PACRGL: variants seen among roughly 807,000 people sequenced by gnomAD.
PACRGL encodes PACRG-like protein.
In PACRGL, 38 loss-of-function variants were observed where a neutral mutation model predicts 34.5. That is an observed-to-expected ratio of 1.10 (90% CI 0.85 to 1.44). PACRGL has a LOEUF of 1.44. Among genes scored for constraint, PACRGL ranks in the 40% most tolerant of loss-of-function variants. The pLI, the probability that PACRGL is intolerant of heterozygous loss-of-function variation, is 0.00. For synonymous variants in PACRGL, 128 were observed against 100.1 expected, an observed-to-expected ratio of 1.28 and a Z score of -1.66; for missense variants, 305 against 281.4, an observed-to-expected ratio of 1.08 and a Z score of -0.60.
intron 7 of PACRGL, among the ~76,000 whole-genome samples, chr4:20,721,526 T>C (rs1384020143): frequency 1.3e-5 from 2 of 152,190 alleles, no homozygotes; most frequent in Non-Finnish European, 2.9e-5. Flanking sequence ...TTTCTGTTTG[T>C]TAGTTTTCCT....
At chr4:20,753,469 G>A (rs547713119), downstream of PACRGL, among the ~76,000 whole-genome samples, 20 of 152,230 alleles carry the variant, frequency 1.3e-4, no homozygotes, top group Middle Eastern at 3.4e-3. Context: ...AGAACACAGT[G>A]AATATAGCAA....
intron 1 of PACRGL, chr4:20,702,063 C>T (rs1264927416): frequency 1.1e-5 from 5 of 440,284 alleles, no homozygotes; most frequent in Admixed American, 9.9e-5. Flanking sequence ...GATTTTCTAC[C>T]ATGTTTAAAA....
rs1748354414 is a variant in PACRGL, at chr4:20,731,909, T to C, written c.*4568T>C. The C allele has an allele frequency of 6.5e-7, 1 of 1,536,810 alleles. No homozygotes were observed. Among genetic ancestry groups the C allele is most frequent in the African/African-American group, 1.4e-5 (1 of 72,676 alleles). On this transcript the variant is annotated 3_prime_UTR_variant, in exon 9 of 9. Coordinates refer to ENST00000503585, the MANE Select transcript of PACRGL (RefSeq NM_001258345.3). ...AGAAGTGGTAAACTTAGGCATATGA[T>C]CTCTATATTTCGCCCAGTTCATGGT...
intron 5 of PACRGL, 87 bp from the exon 6 acceptor site, chr4:20,712,701 T>G: frequency 8.4e-7 from 1 of 1,194,180 alleles, no homozygotes; most frequent in African/African-American, 1.6e-5. Flanking sequence ...ATTTTTGATT[T>G]TTGTTTAAGC....
chr4:20,724,220 G>C (rs938448717), intron 7 of PACRGL, among the ~76,000 whole-genome samples: 2 of 152,122 alleles, frequency 1.3e-5, no homozygotes, highest in African/African-American at 4.8e-5. Flanking sequence ...CTGGGATTCT[G>C]GTTAAGTATG....
Position 20,727,389 on chromosome 4 carries a change from G to A in PACRGL, c.*48G>A. 6.9e-7 allele frequency: 1 copy of A among 1,439,174 alleles called. No individual in the cohort carries two copies. The allele number at this position is 1,439,174 out of a possible 1,614,324, so 89.2% of individuals were successfully genotyped here. On this transcript the variant is annotated 3_prime_UTR_variant, in exon 9 of 9. Coordinates refer to ENST00000503585, the MANE Select transcript of PACRGL (RefSeq NM_001258345.3). ...TTTTTTCTACCTGTTGACGTGTCAA[G>A]CACTAACTGTGGGTACTCATTTATT... is the stretch of plus-strand genomic sequence containing the variant.
intron 5 of PACRGL, among the ~76,000 whole-genome samples, chr4:20,711,031 G>GA (rs530985056): frequency 2.4e-4 from 36 of 150,954 alleles, no homozygotes; most frequent in Non-Finnish European, 4.6e-4. Context: ...CTACAAAAAA[G>GA]AAAAAAAAGA....
At chr4:20,722,703 C>T (rs1461842936) in intron 7 of PACRGL, among the ~76,000 whole-genome samples, 2 of 152,152 alleles carry the variant, frequency 1.3e-5, no homozygotes, top group African/African-American at 2.4e-5. Context: ...GTATAGACTA[C>T]CTGGTGTCAC....
At chr4:20,767,165 C>T in the PACRGL span, 11 of 152,102 alleles carry the variant, frequency 7.2e-5, no homozygotes, top group Non-Finnish European at 1.5e-4. Flanking sequence ...TATTTATCAA[C>T]GTGGTTGAAT....
intron 4 of PACRGL, among the ~76,000 whole-genome samples, chr4:20,708,660 G>A (rs901442797): frequency 3.3e-5 from 5 of 151,830 alleles, no homozygotes; most frequent in Non-Finnish European, 5.9e-5. Flanking sequence ...TTAGAGAGAC[G>A]TCTTACTCTT....
chr4:20,749,597 C>T lies in PACRGL; in HGVS notation c.*57-2968C>T, dbSNP rs73802309. ...GCAAAAATAATCATCACCAAACTCA[C>T]ATTTTCCCCCTAAAAAGACTAAACT... On this transcript the variant is annotated intron_variant, in intron 8 of 8. Coordinates refer to the PACRGL transcript ENST00000507634. The T allele has an allele frequency of 1.1e-3, 1,303 of 1,142,322 alleles. 8 individuals are homozygous for T. The African/African-American group carries it at 0.016, about 14-fold the overall frequency. 70.8% of individuals were successfully genotyped at this position (1,142,322 alleles called of 1,614,324 possible). A position where few individuals can be genotyped will look rare whatever the true frequency, so the allele number is the denominator to read the frequency against.
chr4:20,716,491 C>G (rs10017693), intron 7 of PACRGL, among the ~76,000 whole-genome samples: 49,294 of 151,200 alleles, frequency 0.33, 8,455 homozygotes, highest in African/African-American at 0.43. Context: ...AATGGTATCC[C>G]TCCCCCGACA....
downstream of PACRGL, among the ~76,000 whole-genome samples, chr4:20,754,321 G>C (rs781101608): frequency 1.1e-4 from 16 of 152,178 alleles, no homozygotes; most frequent in Non-Finnish European, 2.2e-4. Context: ...CTGTAGATAA[G>C]ACAAAGCACT....
intron 5 of PACRGL, among the ~76,000 whole-genome samples, chr4:20,711,556 A>G (rs748237599): frequency 3.3e-5 from 5 of 152,156 alleles, no homozygotes; most frequent in African/African-American, 4.8e-5. Context: ...TTTGATTACT[A>G]TTTGGAAGCA....
intron 5 of PACRGL, among the ~76,000 whole-genome samples, chr4:20,711,783 T>G (rs1416248855): frequency 6.6e-6 from 1 of 152,118 alleles, no homozygotes; most frequent in Non-Finnish European, 1.5e-5. Context: ...TCTAATGCAT[T>G]TAGGGTGAAA....
intron 5 of PACRGL, among the ~76,000 whole-genome samples, chr4:20,711,078 A>C (rs896398963): frequency 4.6e-5 from 7 of 152,058 alleles, no homozygotes; most frequent in African/African-American, 1.4e-4. Context: ...GTGAGATGCT[A>C]TCTCAAACAC....
rs1485371893 is a variant in PACRGL at position 20,729,889 on chromosome 4, A to ATTATGAAAAGGATGCAAATTTATAACT, written c.*2549_*2575dup. 1.9e-6 allele frequency: 1 copy of ATTATGAAAAGGATGCAAATTTATAACT among 518,088 alleles called. No individual in the cohort carries two copies. The allele number at this position is 518,088 out of a possible 1,614,324, so 32.1% of individuals were successfully genotyped here. The stretch of plus-strand genomic sequence containing the variant: ...TAGACCATCCCCTGAACTCAGTGGC[A>ATTATGAAAAGGATGCAAATTTATAACT]TTATGAAAAGGATGCAAATTTATAA... On this transcript the variant is annotated 3_prime_UTR_variant, in exon 9 of 9. Transcript: ENST00000503585.
chr4:20,729,875 C>CTGAACTCAGTGGCA lies in PACRGL; in HGVS notation c.*2536_*2549dup, dbSNP rs1747511085. On this transcript the variant is annotated 3_prime_UTR_variant, in exon 9 of 9. Transcript: ENST00000503585. ...AGTATGAAATGAGTTAGACCATCCC[C>CTGAACTCAGTGGCA]TGAACTCAGTGGCATTATGAAAAGG... The CTGAACTCAGTGGCA allele has an allele frequency of 2.1e-6, 1 of 476,134 alleles. No homozygotes were observed. Among genetic ancestry groups the CTGAACTCAGTGGCA allele is most frequent in the Non-Finnish European group, 3.6e-6 (1 of 275,284 alleles). 29.5% of individuals were successfully genotyped at this position (476,134 alleles called of 1,614,324 possible). A position where few individuals can be genotyped will look rare whatever the true frequency, so the allele number is the denominator to read the frequency against.
At position 20,738,176 on chromosome 4, in the gene PACRGL, A is replaced by G. The variant is rs12646295; in HGVS notation, c.*56+10779A>G. 2.3e-3 allele frequency among the ~76,000 whole-genome samples: 351 copies of G among 152,246 alleles called. 8 individuals are homozygous for G. The South Asian group carries it at 0.046, about 20-fold the overall frequency. On this transcript the variant is annotated intron_variant, in intron 8 of 8. Coordinates refer to the PACRGL transcript ENST00000507634. The stretch of plus-strand genomic sequence containing the variant: ...AGCTTTTTCAGAAGGCATAAAATAT[A>G]CATTGCAGAACATAGAGCCTTATTC...
Sources: gnomAD v4.1 joint callset for allele counts (sites outside exome capture counted in the v4.1 genomes callset) on GRCh38, gnomAD v4.1.1 for gene constraint, MANE v1.5 for transcripts, NCBI Gene and HGNC (gene_info 2026-07-23, HGNC 2026-07-21) for gene names.